PTPRM: variants seen among roughly 807,000 people sequenced by gnomAD.
PTPRM encodes the protein receptor-type tyrosine-protein phosphatase mu.
Under a neutral mutation model 186.7 loss-of-function variants are expected in PTPRM, and 47 were observed. That is an observed-to-expected ratio of 0.25 (90% confidence interval 0.20 to 0.32). The LOEUF (loss-of-function observed/expected upper bound fraction) is 0.32, where lower values mean the gene tolerates loss of function less well. Among genes scored for constraint, PTPRM ranks in the 10% least tolerant of loss-of-function variants. The pLI, the probability that PTPRM is intolerant of heterozygous loss-of-function variation, is 1.00. For missense variants in PTPRM, 1,494 were observed against 1,865.0 expected, an observed-to-expected ratio of 0.80 and a Z score of 3.66; for synonymous variants, 668 against 674.9, an observed-to-expected ratio of 0.99 and a Z score of 0.16.
chr18:8,310,072 A>G (rs2095256443), intron 20 of PTPRM, among the ~76,000 whole-genome samples: 1 of 152,104 alleles, frequency 6.6e-6, no homozygotes, highest in African/African-American at 2.4e-5. Flanking sequence ...CATCTTAGTC[A>G]ATGGCACCAT....
At chr18:7,796,961 A>G (rs2043692641) in intron 2 of PTPRM, among the ~76,000 whole-genome samples, 1 of 152,136 alleles carries the variant, frequency 6.6e-6, no homozygotes, top group Non-Finnish European at 1.5e-5. Context: ...CTTTTCTTAT[A>G]TTTCACATCT....
At chr18:7,611,699 G>A (rs1038784050) in intron 1 of PTPRM, among the ~76,000 whole-genome samples, 6 of 152,246 alleles carry the variant, frequency 3.9e-5, no homozygotes, top group Non-Finnish European at 8.8e-5. Context: ...TTCCCATGCT[G>A]TTCTCATGAT....
chr18:7,683,579 A>G (rs1419437693), intron 1 of PTPRM, among the ~76,000 whole-genome samples: 1 of 152,188 alleles, frequency 6.6e-6, no homozygotes, highest in African/African-American at 2.4e-5. Flanking sequence ...AAGTTAGAGA[A>G]TGACTTCCCA....
intron 1 of PTPRM, among the ~76,000 whole-genome samples, chr18:7,715,195 G>C (rs1359694712): frequency 6.6e-6 from 1 of 152,126 alleles, no homozygotes; most frequent in African/African-American, 2.4e-5. Flanking sequence ...TTGCAAGGCT[G>C]GTTCAACATA....
At position 7,774,263 on chromosome 18, in the gene PTPRM, T is replaced by A. The variant is rs151278836; in HGVS notation, c.188T>A (p.Met63Lys). The A allele has an allele frequency of 5.7e-5, 92 of 1,613,824 alleles. No individual in the cohort carries two copies. Among genetic ancestry groups the A allele is most frequent in the Non-Finnish European group, 7.2e-5 (85 of 1,179,908 alleles). The change falls in exon 2 of 33, where the codon ATG (methionine) becomes AAG (lysine). Residue 63 changes from methionine to lysine, a missense_variant. Physicochemically the swap from Met to Lys is moderately conservative, Grantham distance 95. Coordinates refer to ENST00000580170, the MANE Select transcript of PTPRM (RefSeq NM_001105244.2). Reference protein sequence around the residue: ...TLTKPTSDPWMPSGSFMLVNA... With the variant: ...TLTKPTSDPWKPSGSFMLVNA... ...ACTAAACCGACTTCTGATCCATGGA[T>A]GCCATCAGGTTTGCTTTTAGTTTTA...
intron 20 of PTPRM, among the ~76,000 whole-genome samples, chr18:8,303,791 A>G (rs779376547): frequency 1.4e-4 from 21 of 152,144 alleles, no homozygotes; most frequent in Admixed American, 1.4e-3. Flanking sequence ...CCTGCATGGC[A>G]GAGCTGGGAA....
At chr18:7,972,113 A>T (rs977807780) in intron 7 of PTPRM, among the ~76,000 whole-genome samples, 2 of 101,522 alleles carry the variant, frequency 2.0e-5, no homozygotes, top group Non-Finnish European at 3.6e-5. Context: ...CATATACACC[A>T]TGGAATACTA....
chr18:8,088,867 T>C lies in PTPRM; in HGVS notation c.1856+16T>C, dbSNP rs773568127. 1.3e-5 allele frequency: 20 copies of C among 1,565,786 alleles called. No individual in the cohort carries two copies. In the South Asian group the frequency reaches 1.9e-4, roughly 15 times the overall value. On this transcript the variant is annotated intron_variant, in intron 11 of 32. Transcript: ENST00000580170. Reference sequence around the variant, plus strand: ...CACCTGTCAGGTATGGAACAGAGGGTTGGGCCGGCTCTAGATAGAAGAAAA... The same window carrying C: ...CACCTGTCAGGTATGGAACAGAGGGCTGGGCCGGCTCTAGATAGAAGAAAA...
At chr18:8,387,456 A>T (rs8092881) in intron 31 of PTPRM, among the ~76,000 whole-genome samples, 14,712 of 151,232 alleles carry the variant, frequency 0.097, 1,474 homozygotes, top group African/African-American at 0.26. Flanking sequence ...ACAAGCAAGC[A>T]CTGACCGTTT....
intron 1 of PTPRM, among the ~76,000 whole-genome samples, chr18:7,624,349 T>C (rs2038009316): frequency 6.6e-6 from 1 of 152,192 alleles, no homozygotes; most frequent in African/African-American, 2.4e-5. Flanking sequence ...CCCCTAGTTA[T>C]CTAGTTTGAA....
chr18:8,272,631 A>G (rs1240351099), intron 19 of PTPRM, among the ~76,000 whole-genome samples: 2 of 152,124 alleles, frequency 1.3e-5, no homozygotes, highest in Non-Finnish European at 2.9e-5. Context: ...TTATCTTTTT[A>G]TTAATGATTT....
intron 1 of PTPRM, among the ~76,000 whole-genome samples, chr18:7,656,020 C>G (rs2038838085): frequency 6.6e-6 from 1 of 152,058 alleles, no homozygotes; most frequent in African/African-American, 2.4e-5. Context: ...TATGGCAGTT[C>G]CTCAAAAAAC....
intron 23 of PTPRM, chr18:8,365,757 C>G (rs2095625065): frequency 6.6e-6 from 1 of 152,656 alleles, no homozygotes; most frequent in Non-Finnish European, 1.5e-5. Flanking sequence ...CTGCCCTCCT[C>G]CTTCTCCGGG....
chr18:8,218,710 G>A (rs1208530846), intron 14 of PTPRM, among the ~76,000 whole-genome samples: 1 of 152,122 alleles, frequency 6.6e-6, no homozygotes, highest in Non-Finnish European at 1.5e-5. Context: ...ATGGGTAATG[G>A]TTGTCAAAAC....
rs184200172 is a variant in PTPRM at position 7,629,027 on chromosome 18, A to G, written c.73+61136A>G. Among the ~76,000 whole-genome samples, 283 of 152,306 alleles carry G rather than the reference A, an allele frequency of 1.9e-3. 4 individuals carry two copies. The highest frequency in any genetic ancestry group is 6.5e-3 in the African/African-American group (270 of 41,566). On this transcript the variant is annotated intron_variant, in intron 1 of 32. Transcript: ENST00000580170. The stretch of plus-strand genomic sequence containing the variant: ...TGGTTTGAACCATTGAGTTAGCTTC[A>G]CTGAGAAGTATCATGGAACCACTTA...
intron 9 of PTPRM, among the ~76,000 whole-genome samples, chr18:8,077,811 G>A (rs2089910891): frequency 6.6e-6 from 1 of 152,164 alleles, no homozygotes; most frequent in Non-Finnish European, 1.5e-5. Context: ...GCCACATGTT[G>A]CTATCTAGAC....
chr18:8,269,829 C>G (rs1433863653), intron 19 of PTPRM, among the ~76,000 whole-genome samples: 1 of 151,996 alleles, frequency 6.6e-6, no homozygotes, highest in Non-Finnish European at 1.5e-5. Flanking sequence ...ACTAGATATG[C>G]ACATGCAAAA....
At chr18:7,648,697 A>G (rs1181109354) in intron 1 of PTPRM, among the ~76,000 whole-genome samples, 1 of 152,230 alleles carries the variant, frequency 6.6e-6, no homozygotes, top group Non-Finnish European at 1.5e-5. Flanking sequence ...GAGAGAGGTG[A>G]GGAAGCTGCA....
At chr18:7,917,884 T>G (rs143308884) in intron 4 of PTPRM, among the ~76,000 whole-genome samples, 11 of 152,284 alleles carry the variant, frequency 7.2e-5, no homozygotes, top group African/African-American at 2.6e-4. Flanking sequence ...ACTCTCTATC[T>G]TCATGAGATC....
Sources: gnomAD v4.1 joint callset for allele counts (sites outside exome capture counted in the v4.1 genomes callset) on GRCh38, gnomAD v4.1.1 for gene constraint, MANE v1.5 for transcripts, NCBI Gene and HGNC (gene_info 2026-07-23, HGNC 2026-07-21) for gene names.